PTPN23: variants seen among roughly 807,000 people sequenced by gnomAD.
PTPN23 encodes protein tyrosine phosphatase non-receptor type 23, also known as tyrosine-protein phosphatase non-receptor type 23.
A neutral mutation model predicts 156.3 loss-of-function variants in PTPN23; 72 were observed. That is an observed-to-expected ratio of 0.46 (90% CI 0.38 to 0.56). The LOEUF is 0.56. Ranked by LOEUF, PTPN23 falls within the 20% of genes least tolerant of loss-of-function variation. The probability of loss-of-function intolerance (pLI) is 0.00; values close to 1 mark genes in which losing one functional copy is unlikely to be tolerated. For synonymous variants in PTPN23, 957 were observed against 899.6 expected (o/e 1.06, Z -1.14); for missense variants, 1,974 against 2,171.5 (o/e 0.91, Z 1.81).
rs75410207 is a variant in PTPN23, at chr3:47,412,010, G to A, written c.4073+43G>A. On this transcript the variant is annotated intron_variant, in intron 21 of 24. Transcript: ENST00000265562. ...GATGGTGGTTGGGGGTCTAAGTGCT[G>A]TCCAGTCCTTGGTGCTGGGAGGGAT... 276 of 1,606,510 alleles carry A rather than the reference G, an allele frequency of 1.7e-4. 1 individual carries two copies. In the East Asian group the frequency reaches 6.1e-3, roughly 35 times the overall value.
chr3:47,406,569 A>C lies in PTPN23; in HGVS notation c.716A>C (p.Lys239Thr). 1 of 1,613,954 alleles carries C rather than the reference A, an allele frequency of 6.2e-7. No individual in the cohort carries two copies. The highest frequency in any genetic ancestry group is 8.5e-7 in the Non-Finnish European group (1 of 1,180,004). ...LLGRIQKDWK[K>T]LVQMKIYYFA... ...GGCCGGATCCAGAAGGACTGGAAGA[A>C]ACTTGTGCAGATGAAGATCTACTAC... Residue 239 changes from lysine to threonine, a missense_variant, in exon 8 of 25, where the codon AAA becomes ACA. Around this residue, in one of 4 missense-constraint regions of PTPN23, gnomAD observed 726 missense variants for 929.5 expected, o/e 0.78. Transcript: ENST00000265562. This position sits in a 1 kb window ranked among gnomAD's most constrained non-coding sequence, Gnocchi z 5.8.
rs779899409 is a variant in PTPN23, at chr3:47,412,202, G to C, written c.4178+4G>C. ...CGCCCATCATTGTGCACTGCAGGTA[G>C]AGGGTGGGCCTGAGGGTCTCTCCTC... On this transcript the variant is annotated splice_donor_region_variant and intron_variant, in intron 22 of 24. Transcript: ENST00000265562. 4 of 1,613,142 alleles carry C rather than the reference G, an allele frequency of 2.5e-6. No individual in the cohort carries two copies. Among genetic ancestry groups the C allele is most frequent in the African/African-American group, 2.7e-5 (2 of 74,936 alleles).
chr3:47,405,364 G>T lies in PTPN23; in HGVS notation c.364+283G>T. On this transcript the variant is annotated intron_variant, in intron 4 of 24. Transcript: ENST00000265562. The surrounding 1 kb of genome is among the most constrained non-coding windows in gnomAD (Gnocchi z 4.7). ...AGGGCCTTTCTTCTTTGACTGGACA[G>T]CCCCTCCCCACTGTGGTTTTGGGCT... 1 of 543,782 alleles carries T rather than the reference G, an allele frequency of 1.8e-6. No individual in the cohort carries two copies. Among genetic ancestry groups the T allele is most frequent in the Non-Finnish European group, 3.3e-6 (1 of 302,326 alleles). The allele number at this position is 543,782 out of a possible 1,614,324, so 33.7% of individuals were successfully genotyped here. A position where few individuals can be genotyped will look rare whatever the true frequency, so the allele number is the denominator to read the frequency against.
chr3:47,399,736 G>A (rs1704954087), intron 2 of PTPN23, among the ~76,000 whole-genome samples: 2 of 152,192 alleles, frequency 1.3e-5, no homozygotes, highest in South Asian at 4.1e-4. Context: ...CTCACACATG[G>A]CCATCTGGGG....
intron 1 of PTPN23, among the ~76,000 whole-genome samples, chr3:47,383,049 G>A (rs2107688934): frequency 6.6e-6 from 1 of 152,176 alleles, no homozygotes; most frequent in Non-Finnish European, 1.5e-5. Context: ...ACGGAGTCTT[G>A]GAATAGAGCC....
At chr3:47,404,499 A>T (rs1435570307) in intron 2 of PTPN23, among the ~76,000 whole-genome samples, 153 bp from the exon 3 acceptor site, 1 of 151,448 alleles carries the variant, frequency 6.6e-6, no homozygotes, top group Non-Finnish European at 1.5e-5. Flanking sequence ...GTTTTGTTGA[A>T]CGACTATAGG....
intron 1 of PTPN23, among the ~76,000 whole-genome samples, chr3:47,387,260 A>G (rs1392486005): frequency 6.6e-6 from 1 of 152,190 alleles, no homozygotes; most frequent in Non-Finnish European, 1.5e-5. Flanking sequence ...GTAGCTGAAC[A>G]TATACTGTAT....
Position 47,406,182 on chromosome 3 carries a change from C to T in PTPN23, c.546+136C>T, listed in dbSNP as rs144211322. The T allele has an allele frequency of 6.2e-4, 911 of 1,479,920 alleles. 15 individuals carry two copies. The East Asian group carries it at 0.018, about 30-fold the overall frequency. The allele number at this position is 1,479,920 out of a possible 1,614,324, so 91.7% of individuals were successfully genotyped here. ...CCTTGGCTTTGTTGAATCAGGAGCA[C>T]CGTGGTGCTGCTTGGAGTGGGGGCA... On this transcript the variant is annotated intron_variant, in intron 6 of 24. Coordinates refer to ENST00000265562, the MANE Select transcript of PTPN23 (RefSeq NM_015466.4). The surrounding 1 kb of genome is among the most constrained non-coding windows in gnomAD (Gnocchi z 5.8).
In PTPN23 at chr3:47,394,128, A is replaced by G. The variant is rs184137813; in HGVS notation, c.85-2015A>G. Among the ~76,000 whole-genome samples the G allele has an allele frequency of 4.6e-5, 7 of 152,056 alleles. 1 individual carries two copies. In the East Asian group the frequency reaches 1.4e-3, roughly 29 times the overall value. On this transcript the variant is annotated intron_variant, in intron 1 of 24. Coordinates refer to ENST00000265562, the MANE Select transcript of PTPN23 (RefSeq NM_015466.4). ...TTAATTTTTTGAAGAGAGTGGGTTC[A>G]TTGTTGCCCCATTTTCTGAATTTTT...
Position 47,408,902 on chromosome 3 carries a change from C to T in PTPN23, c.1457C>T (p.Thr486Ile), listed in dbSNP as rs1255328419. Residue 486 changes from threonine to isoleucine, a missense_variant, in exon 16 of 25, where the codon ACC becomes ATC. By Grantham distance (89) the Thr-to-Ile change is moderately conservative (BLOSUM62 -1). Transcript: ENST00000265562. ...AVGQAGAISI[T>I]SKAELAEVRR... Reference sequence around the variant, plus strand: ...GGCCAGGCAGGGGCCATCTCCATCACCTCCAAGGCTGAGCTGGCAGAGGTG... The same window carrying T: ...GGCCAGGCAGGGGCCATCTCCATCATCTCCAAGGCTGAGCTGGCAGAGGTG... 1.9e-6 allele frequency: 3 copies of T among 1,614,106 alleles called. No homozygotes were observed. Among genetic ancestry groups the T allele is most frequent in the Non-Finnish European group, 2.5e-6 (3 of 1,180,042 alleles).
In PTPN23 at chr3:47,413,129, C is replaced by T. The variant is rs950271565; in HGVS notation, c.4855C>T (p.Pro1619Ser). ...HNGQGLRATR[P>S]SDDPLSLLDP... ...CGGGCAAGGGCTGCGGGCCACCCGG[C>T]CCTCTGACGACCCCCTCAGCCTTCT... is the stretch of plus-strand genomic sequence containing the variant. Residue 1619 changes from proline (P) to serine (S), a missense_variant, in exon 25 of 25, where the codon CCC becomes TCC. Around this residue, in one of 4 missense-constraint regions of PTPN23, gnomAD observed 484 missense variants for 516.0 expected, o/e 0.94. Transcript: ENST00000265562. The T allele has an allele frequency of 1.9e-5, 31 of 1,612,710 alleles. No individual in the cohort carries two copies. The highest frequency in any genetic ancestry group is 2.5e-5 in the Non-Finnish European group (30 of 1,180,010).
Position 47,412,075 on chromosome 3 carries a change from G to A in PTPN23, c.4074-19G>A. 2 of 1,612,702 alleles carry A rather than the reference G, an allele frequency of 1.2e-6. No individual in the cohort carries two copies. Among genetic ancestry groups the A allele is most frequent in the Non-Finnish European group, 1.7e-6 (2 of 1,179,852 alleles). On this transcript the variant is annotated intron_variant, in intron 21 of 24. Coordinates refer to ENST00000265562, the MANE Select transcript of PTPN23 (RefSeq NM_015466.4). ...AGGCCTGGCTCATAGGCTCTTCCTG[G>A]CCCCATCCTGTCCCACAGAGGCCTG...
Position 47,413,169 on chromosome 3 carries a change from C to G in PTPN23, c.4895C>G (p.Thr1632Arg). The G allele has an allele frequency of 3.1e-6, 5 of 1,611,720 alleles. No homozygotes were observed. The highest frequency in any genetic ancestry group is 2.5e-6 in the Non-Finnish European group (3 of 1,179,380). The stretch of plus-strand genomic sequence containing the variant: ...CTCAGCCTTCTGGATCCACTCTGGA[C>G]ACTCAACAAGACCTGAACAGGTTTT... ...DPLSLLDPLW[T>R]LNKT The change falls in exon 25 of 25, where the codon ACA (threonine) becomes AGA (arginine). Residue 1632 changes from threonine (T) to arginine (R), a missense_variant. Thr to Arg is a moderately conservative substitution (Grantham distance 71). Around this residue, in one of 4 missense-constraint regions of PTPN23, gnomAD observed 484 missense variants for 516.0 expected, o/e 0.94. Coordinates refer to ENST00000265562, the MANE Select transcript of PTPN23 (RefSeq NM_015466.4).
In PTPN23 at chr3:47,404,517, A is replaced by G. The variant is rs973782605; in HGVS notation, c.160-135A>G. 6.3e-5 allele frequency: 74 copies of G among 1,170,740 alleles called. No individual in the cohort carries two copies. The South Asian group carries it at 8.4e-4, about 13-fold the overall frequency. 72.5% of individuals were successfully genotyped at this position (1,170,740 alleles called of 1,614,324 possible). A position where few individuals can be genotyped will look rare whatever the true frequency, so the allele number is the denominator to read the frequency against. On this transcript the variant is annotated intron_variant, in intron 2 of 24. Transcript: ENST00000265562. The stretch of plus-strand genomic sequence containing the variant: ...TTGTTGAACGACTATAGGTATAGCC[A>G]TGGACTTTTTGGGATCCCTTGGTGT...
Position 47,406,794 on chromosome 3 carries a change from C to G in PTPN23, c.807+44C>G, listed in dbSNP as rs181302604. On this transcript the variant is annotated intron_variant, in intron 9 of 24. Transcript: ENST00000265562. The surrounding 1 kb of genome is among the most constrained non-coding windows in gnomAD (Gnocchi z 5.8). ...GGGACTGGGGACCAATGGCAGCCTT[C>G]AGTGAGATGCCGGTGTGCTCCCGCT... 282 of 1,610,292 alleles carry G rather than the reference C, an allele frequency of 1.8e-4. 3 individuals carry two copies. In the African/African-American group the frequency reaches 3.4e-3, roughly 19 times the overall value.
chr3:47,410,932 C>G lies in PTPN23; in HGVS notation c.3134C>G (p.Pro1045Arg), dbSNP rs780418581. ...CCCAGCCCTGGGCCCCCTCAGCCTCCCCATCCCCCACTGGCATATGGTCCT... is the reference window on the plus strand; with the variant it reads ...CCCAGCCCTGGGCCCCCTCAGCCTCGCCATCCCCCACTGGCATATGGTCCT... ...PFPSPGPPQPPHPPLAYGPAP... is the reference protein window; with the variant it reads ...PFPSPGPPQPRHPPLAYGPAP... Residue 1045 changes from proline (P) to arginine (R), a missense_variant, in exon 20 of 25, where the codon CCC (proline) becomes CGC (arginine). Physicochemically the swap from Pro to Arg is moderately radical, Grantham distance 103. Transcript: ENST00000265562. The G allele has an allele frequency of 6.2e-7, 1 of 1,610,628 alleles. No homozygotes were observed. The highest frequency in any genetic ancestry group is 1.7e-4 in the Middle Eastern group (1 of 6,052).
chr3:47,403,271 C>T (rs1705041231), intron 2 of PTPN23, among the ~76,000 whole-genome samples: 1 of 151,984 alleles, frequency 6.6e-6, no homozygotes, highest in Admixed American at 6.6e-5. Flanking sequence ...CCAGGATGGT[C>T]TCGATCTCCT....
chr3:47,409,794 T>C lies in PTPN23; in HGVS notation c.2089T>C (p.Cys697Arg). ...TCTGCTGGAGCGCACGCAGTCCACC[T>C]GCCAGGCCCGCGAGGCTGCCCGCCA... The part of the protein sequence containing the change: ...AALLERTQST[C>R]QAREAARQQL... Residue 697 changes from cysteine (C) to arginine (R), a missense_variant, in exon 19 of 25, where the codon TGC becomes CGC. By Grantham distance (180) the Cys-to-Arg change is radical (BLOSUM62 -3). This residue lies in a region of PTPN23 where 726 missense variants were observed against 929.5 expected (regional missense o/e 0.78). Coordinates refer to ENST00000265562, the MANE Select transcript of PTPN23 (RefSeq NM_015466.4). 6.2e-7 allele frequency: 1 copy of C among 1,609,118 alleles called. No individual in the cohort carries two copies. Among genetic ancestry groups the C allele is most frequent in the Non-Finnish European group, 8.5e-7 (1 of 1,179,446 alleles).
At position 47,405,466 on chromosome 3, in the gene PTPN23, T is replaced by C. The variant is rs947275428; in HGVS notation, c.365-283T>C. The C allele has an allele frequency of 3.8e-5, 21 of 547,532 alleles. No individual in the cohort carries two copies. Among genetic ancestry groups the C allele is most frequent in the Admixed American group, 9.9e-5 (3 of 30,446 alleles). 33.9% of individuals were successfully genotyped at this position (547,532 alleles called of 1,614,324 possible). On this transcript the variant is annotated intron_variant, in intron 4 of 24. Coordinates refer to ENST00000265562, the MANE Select transcript of PTPN23 (RefSeq NM_015466.4). The surrounding 1 kb of genome is among the most constrained non-coding windows in gnomAD (Gnocchi z 4.7). Reference sequence around the variant, plus strand: ...CCTTAGCCTGGCTCAAGGGAGAAGCTTGGGGAGCCCCAGAGTTCTGTGCAA... The same window carrying C: ...CCTTAGCCTGGCTCAAGGGAGAAGCCTGGGGAGCCCCAGAGTTCTGTGCAA...
Sources: allele counts gnomAD v4.1 joint callset (sites outside exome capture counted in the v4.1 genomes callset), GRCh38; gene constraint gnomAD v4.1.1; regional missense constraint gnomAD v4.1.1; non-coding constraint Gnocchi (gnomAD v3.1); transcripts MANE v1.5; gene names NCBI Gene and HGNC (gene_info 2026-07-23, HGNC 2026-07-21).